Variants in SPECC1 observed in about 807,000 individuals in gnomAD.
SPECC1 encodes the protein cytospin-B.
In SPECC1, 62 loss-of-function variants were observed where a neutral mutation model predicts 104.1. That is an observed-to-expected ratio of 0.60 (90% CI 0.49 to 0.74). SPECC1 has a LOEUF of 0.74. Among genes scored for constraint, SPECC1 ranks in the 30% least tolerant of loss-of-function variants. The pLI, the probability that SPECC1 is intolerant of heterozygous loss-of-function variation, is 0.00. For missense variants in SPECC1, 1,306 were observed against 1,310.5 expected (o/e 1.00, Z 0.05); for synonymous variants, 513 against 501.6 (o/e 1.02, Z -0.30).
At chr17:20,166,013 A>G (rs1344520116) in intron 3 of SPECC1, among the ~76,000 whole-genome samples, 2 of 152,174 alleles carry the variant, frequency 1.3e-5, no homozygotes, top group African/African-American at 2.4e-5. Flanking sequence ...CTTGACAGTT[A>G]AAACAAAATG....
At chr17:20,078,473 C>T (rs867305980) in intron 1 of SPECC1, among the ~76,000 whole-genome samples, 11 of 152,090 alleles carry the variant, frequency 7.2e-5, no homozygotes, top group Non-Finnish European at 1.3e-4. Context: ...TTCAAATACT[C>T]ATGACGTGTC....
chr17:20,085,191 A>G (rs1260019767), intron 1 of SPECC1, among the ~76,000 whole-genome samples: 1 of 152,188 alleles, frequency 6.6e-6, no homozygotes, highest in Non-Finnish European at 1.5e-5. Context: ...AGTGGGCAGA[A>G]GGGAGCAGGG....
At chr17:20,027,537 A>T (rs9896010) in intron 1 of SPECC1, among the ~76,000 whole-genome samples, 10,523 of 152,076 alleles carry the variant, frequency 0.069, 992 homozygotes, top group African/African-American at 0.21. Context: ...TATGTTTTCT[A>T]CCAGTAGTTT....
intron 1 of SPECC1, among the ~76,000 whole-genome samples, chr17:20,013,317 C>T (rs912636009): frequency 6.6e-6 from 1 of 152,180 alleles, no homozygotes; most frequent in African/African-American, 2.4e-5. Flanking sequence ...TATATTCTCA[C>T]CAGCAATGCG....
intron 3 of SPECC1, among the ~76,000 whole-genome samples, chr17:20,140,304 A>G (rs1254845438): frequency 6.6e-6 from 1 of 152,162 alleles, no homozygotes; most frequent in South Asian, 2.1e-4. Flanking sequence ...CCATTCTTAT[A>G]TCTCCTATGA....
At chr17:20,282,441 C>G (rs1208473904) in intron 12 of SPECC1, among the ~76,000 whole-genome samples, 4 of 152,180 alleles carry the variant, frequency 2.6e-5, no homozygotes, top group African/African-American at 9.7e-5. Context: ...GTGGGAGGAA[C>G]ATTTAAAAAG....
rs867992593 is a variant in SPECC1 at position 20,204,416 on chromosome 17, C to T, written c.367C>T (p.Arg123Cys). The change falls in exon 4 of 15, where the codon CGT (arginine) becomes TGT (cysteine). Residue 123 changes from arginine (R) to cysteine (C), a missense_variant. Arg to Cys is a radical substitution (Grantham distance 180). Around this residue, in one of 2 missense-constraint regions of SPECC1, gnomAD observed 1,177 missense variants for 1,139.9 expected, o/e 1.03. Coordinates refer to ENST00000395527, the MANE Select transcript of SPECC1 (RefSeq NM_001243439.2). Reference protein sequence around the residue: ...VTVSRERSVPRGPSNPRKSVS... With the variant: ...VTVSRERSVPCGPSNPRKSVS... ...TGTCTCAAGAGAGAGGTCTGTGCCA[C>T]GTGGTCCCTCCAACCCCAGGAAATC... The T allele has an allele frequency of 6.8e-6, 11 of 1,614,010 alleles. No homozygotes were observed. The highest frequency in any genetic ancestry group is 5.0e-5 in the Admixed American group (3 of 59,994).
chr17:20,022,364 T>A (rs182765555), intron 1 of SPECC1, among the ~76,000 whole-genome samples: 23 of 152,334 alleles, frequency 1.5e-4, no homozygotes, highest in Admixed American at 9.8e-4. Context: ...CCTTTCCCCA[T>A]GTTTCAACTG....
intron 3 of SPECC1, chr17:20,113,088 T>C: frequency 1.5e-6 from 1 of 686,848 alleles, no homozygotes; most frequent in East Asian, 2.5e-5. Flanking sequence ...AATAACACTG[T>C]AAGGAAGTTA....
chr17:20,041,760 A>G (rs2045340108), intron 1 of SPECC1, among the ~76,000 whole-genome samples: 1 of 148,494 alleles, frequency 6.7e-6, no homozygotes, highest in South Asian at 2.1e-4. Context: ...AGTAGCTGGG[A>G]CTACAGGTGC....
chr17:20,259,634 T>C (rs892347919), intron 11 of SPECC1, among the ~76,000 whole-genome samples: 2 of 152,112 alleles, frequency 1.3e-5, no homozygotes, highest in African/African-American at 2.4e-5. Context: ...GCCTCCTGAG[T>C]AGCTGGGATT....
chr17:20,256,077 C>T lies in SPECC1; in HGVS notation c.2681-1374C>T, dbSNP rs998714045. On this transcript the variant is annotated intron_variant, in intron 10 of 14. Transcript: ENST00000395527. ...TATTTTTAGTAGAGATGGGGTTTCA[C>T]CGTGTTAGCCAGGATGGTCTCGATC... 3.3e-5 allele frequency among the ~76,000 whole-genome samples: 5 copies of T among 152,092 alleles called. No homozygotes were observed. In the South Asian group the frequency reaches 1.0e-3, roughly 32 times the overall value.
At chr17:20,133,998 C>T (rs1223727499) in intron 3 of SPECC1, among the ~76,000 whole-genome samples, 1 of 151,832 alleles carries the variant, frequency 6.6e-6, no homozygotes, top group African/African-American at 2.4e-5. Flanking sequence ...GTTAGGGTTA[C>T]AAGATTATAT....
At chr17:20,171,080 A>G (rs1233884570) in intron 3 of SPECC1, among the ~76,000 whole-genome samples, 1 of 152,360 alleles carries the variant, frequency 6.6e-6, no homozygotes, top group East Asian at 1.9e-4. Flanking sequence ...TATGAAAATT[A>G]TCTGTTTATA....
chr17:20,022,472 G>A (rs1022995519), intron 1 of SPECC1, among the ~76,000 whole-genome samples: 3 of 152,110 alleles, frequency 2.0e-5, no homozygotes, highest in Non-Finnish European at 4.4e-5. Flanking sequence ...TTTTTGGTTG[G>A]TATCTGTGTT....
At chr17:20,141,522 G>A (rs1299960944) in intron 3 of SPECC1, among the ~76,000 whole-genome samples, 5 of 152,122 alleles carry the variant, frequency 3.3e-5, no homozygotes, top group Non-Finnish European at 7.3e-5. Flanking sequence ...TTATCTGCTT[G>A]TCTCCCTTGA....
chr17:20,203,309 T>C (rs1482543897), intron 3 of SPECC1, among the ~76,000 whole-genome samples: 1 of 152,040 alleles, frequency 6.6e-6, no homozygotes, highest in Non-Finnish European at 1.5e-5. Context: ...TCCAGGATTT[T>C]ATTTTACACT....
intron 1 of SPECC1, among the ~76,000 whole-genome samples, chr17:20,071,249 A>G (rs1480306942): frequency 1.3e-5 from 2 of 152,148 alleles, no homozygotes; most frequent in African/African-American, 4.8e-5. Context: ...CTTTGTCATA[A>G]TCTGAATTCT....
At chr17:20,259,733 A>C (rs1485845552) in intron 11 of SPECC1, among the ~76,000 whole-genome samples, 2 of 151,958 alleles carry the variant, frequency 1.3e-5, no homozygotes, top group African/African-American at 4.8e-5. Flanking sequence ...GCTGGTCTTG[A>C]ACTCTTGGGC....
Sources: allele counts gnomAD v4.1 joint callset (sites outside exome capture counted in the v4.1 genomes callset), GRCh38; gene constraint gnomAD v4.1.1; regional missense constraint gnomAD v4.1.1; transcripts MANE v1.5; gene names NCBI Gene and HGNC (gene_info 2026-07-23, HGNC 2026-07-21).